The following HYCC2 variants were observed in gnomAD, a reference collection of about 807,000 sequenced individuals.
HYCC2 encodes hyccin PI4KA lipid kinase complex subunit 2.
the HYCC2 span, chr2:200,975,920 C>T: frequency 6.6e-6 from 1 of 152,062 alleles, no homozygotes; most frequent in Non-Finnish European, 1.5e-5. Flanking sequence ...ATTAGGTACA[C>T]ATAATGCAAG....
chr2:200,980,611 G>A, the HYCC2 span: 1 of 152,996 alleles, frequency 6.5e-6, no homozygotes, highest in Admixed American at 6.5e-5. Flanking sequence ...TCCAATGGAG[G>A]TGGTCACAAC....
the HYCC2 span, among the ~76,000 whole-genome samples, chr2:201,040,645 C>T: frequency 1.1e-4 from 17 of 151,958 alleles, no homozygotes; most frequent in Admixed American, 7.9e-4. Flanking sequence ...CCACCATATC[C>T]GGCTAATTTT....
the HYCC2 span, chr2:201,064,087 A>G: frequency 6.6e-7 from 1 of 1,519,832 alleles, no homozygotes; most frequent in East Asian, 2.2e-5. Context: ...GGAGAGCCAG[A>G]GAAGTGACAG....
At chr2:200,994,778 A>T in the HYCC2 span, among the ~76,000 whole-genome samples, 1 of 152,196 alleles carries the variant, frequency 6.6e-6, no homozygotes, top group East Asian at 1.9e-4. Context: ...AGGTAGGAAG[A>T]TCACTTGAGG....
At chr2:201,019,456 C>G in the HYCC2 span, among the ~76,000 whole-genome samples, 2 of 152,200 alleles carry the variant, frequency 1.3e-5, no homozygotes, top group South Asian at 2.1e-4. Flanking sequence ...AAAGTAAGAC[C>G]GTTAAAAACT....
the HYCC2 span, among the ~76,000 whole-genome samples, chr2:201,033,661 C>T: frequency 6.6e-6 from 1 of 151,954 alleles, no homozygotes; most frequent in Admixed American, 6.6e-5. Context: ...GCCTCGGCCT[C>T]CCAAAGTGCT....
the HYCC2 span, among the ~76,000 whole-genome samples, chr2:201,055,740 A>G: frequency 3.3e-5 from 5 of 152,158 alleles, no homozygotes; most frequent in Admixed American, 3.3e-4. Flanking sequence ...ACAAGTTATC[A>G]TAGCTCAGCC....
At chr2:201,007,654 A>C in the HYCC2 span, among the ~76,000 whole-genome samples, 1 of 152,160 alleles carries the variant, frequency 6.6e-6, no homozygotes. Flanking sequence ...GACTGGTAAC[A>C]CCAGAACTTC....
chr2:201,056,290 C>A, the HYCC2 span, among the ~76,000 whole-genome samples: 1 of 152,240 alleles, frequency 6.6e-6, no homozygotes, highest in African/African-American at 2.4e-5. Context: ...TAGTGTGATG[C>A]TCTGCCCATT....
At chr2:201,001,686 T>A in the HYCC2 span, among the ~76,000 whole-genome samples, 8 of 152,274 alleles carry the variant, frequency 5.3e-5, no homozygotes, top group South Asian at 2.1e-4. Context: ...TTTTATTTTT[T>A]TTTTTGAGAC....
At chr2:201,032,706 G>A in the HYCC2 span, among the ~76,000 whole-genome samples, 1 of 152,006 alleles carries the variant, frequency 6.6e-6, no homozygotes, top group Non-Finnish European at 1.5e-5. Flanking sequence ...ACCTCAGCTG[G>A]ACTGCAGTGG....
chr2:200,988,355 CT>C, the HYCC2 span: 1 of 1,613,732 alleles, frequency 6.2e-7, no homozygotes, highest in Non-Finnish European at 8.5e-7. Context: ...ACTTTAAGGA[CT>C]TTCTGGCCTT....
At chr2:201,009,113 G>A in the HYCC2 span, 2 of 1,333,134 alleles carry the variant, frequency 1.5e-6, no homozygotes, top group African/African-American at 2.9e-5. Context: ...TACAGTATGA[G>A]ACAATGTCTC....
At chr2:201,036,032 T>C in the HYCC2 span, among the ~76,000 whole-genome samples, 2 of 151,872 alleles carry the variant, frequency 1.3e-5, no homozygotes, top group East Asian at 1.9e-4. Flanking sequence ...TGCCTCCAAA[T>C]AGATGCAATA....
chr2:200,978,913 T>C, the HYCC2 span: 1 of 152,348 alleles, frequency 6.6e-6, no homozygotes, highest in Non-Finnish European at 1.5e-5. Flanking sequence ...ACCAAAATCA[T>C]GCTAGATTTA....
At chr2:201,063,920 G>C in the HYCC2 span, 2 of 1,597,072 alleles carry the variant, frequency 1.3e-6, no homozygotes, top group East Asian at 4.5e-5. Flanking sequence ...ACCCGTGAAG[G>C]GAGGAAATTT....
chr2:200,977,887 T>C, the HYCC2 span: 1 of 152,206 alleles, frequency 6.6e-6, no homozygotes, highest in Non-Finnish European at 1.5e-5. Flanking sequence ...CTATTCACTT[T>C]GCATTTTAGT....
chr2:201,042,717 G>A, the HYCC2 span, among the ~76,000 whole-genome samples: 6 of 149,810 alleles, frequency 4.0e-5, no homozygotes, highest in African/African-American at 1.2e-4. Context: ...GCCCCCGCCC[G>A]GCCAGCCGCC....
At chr2:200,977,793 AGT>A in the HYCC2 span, 1 of 152,278 alleles carries the variant, frequency 6.6e-6, no homozygotes, top group African/African-American at 2.4e-5. Flanking sequence ...TTGAGGCTGC[AGT>A]GAGCCGTGAT....
Sources: allele counts gnomAD v4.1 joint callset (sites outside exome capture counted in the v4.1 genomes callset), GRCh38; gene constraint gnomAD v4.1.1; transcripts MANE v1.5; gene names NCBI Gene and HGNC (gene_info 2026-07-23, HGNC 2026-07-21).